The following RPTOR variants were observed in gnomAD, a reference collection of about 807,000 sequenced individuals.
The protein encoded by RPTOR is regulatory associated protein of MTOR complex 1.
In RPTOR, 21 loss-of-function variants were observed where a neutral mutation model predicts 169.9. The ratio of observed to expected loss-of-function variants is 0.12; its 90% confidence interval spans 0.09 to 0.18. The LOEUF is 0.18. RPTOR is among the 10% of genes least tolerant of loss of function. The probability of loss-of-function intolerance (pLI) is 1.00; values close to 1 mark genes in which losing one functional copy is unlikely to be tolerated. For synonymous variants in RPTOR, 732 were observed against 753.2 expected (o/e 0.97, Z 0.46); for missense variants, 1,133 against 1,855.9 (o/e 0.61, Z 7.16).
At chr17:80,611,831 T>C (rs1371496072) in intron 1 of RPTOR, among the ~76,000 whole-genome samples, 1 of 152,154 alleles carries the variant, frequency 6.6e-6, no homozygotes, top group Non-Finnish European at 1.5e-5. Flanking sequence ...GCAGAGGTTT[T>C]TCCCCCCCTG....
intron 11 of RPTOR, among the ~76,000 whole-genome samples, chr17:80,854,596 A>C (rs1693893051): frequency 6.6e-6 from 1 of 152,214 alleles, no homozygotes; most frequent in Non-Finnish European, 1.5e-5. Flanking sequence ...AATCTTCTTT[A>C]TCAGAGCAGC....
chr17:80,761,824 G>A (rs1416070285), intron 6 of RPTOR, among the ~76,000 whole-genome samples: 2 of 152,294 alleles, frequency 1.3e-5, no homozygotes, highest in African/African-American at 2.4e-5. Flanking sequence ...GCATATGTGC[G>A]AAGGGAGAGG....
chr17:80,673,592 C>T (rs1204911892), intron 3 of RPTOR, among the ~76,000 whole-genome samples: 2 of 152,258 alleles, frequency 1.3e-5, no homozygotes, highest in Admixed American at 1.3e-4. Context: ...CCTTCGCTGT[C>T]ATCCAGATTG....
intron 1 of RPTOR, among the ~76,000 whole-genome samples, chr17:80,572,572 A>C (rs1051230335): frequency 2.6e-5 from 4 of 152,114 alleles, no homozygotes; most frequent in African/African-American, 4.8e-5. Flanking sequence ...AACAAACAAA[A>C]AAAGTAGCCG....
In RPTOR at chr17:80,803,991, T is replaced by C. The variant is rs2067190772; in HGVS notation, c.890+12482T>C. On this transcript the variant is annotated intron_variant, in intron 7 of 33. Coordinates refer to ENST00000306801, the MANE Select transcript of RPTOR (RefSeq NM_020761.3). This position sits in a 1 kb window ranked among gnomAD's most constrained non-coding sequence, Gnocchi z 6.2. ...TGGGCTGTGTGGCAAGGGCCTTCTT[T>C]GAAAGAGGCATATGTAGCTTCAGTA... is the stretch of plus-strand genomic sequence containing the variant. Among the ~76,000 whole-genome samples, 1 of 152,212 alleles carries C rather than the reference T, an allele frequency of 6.6e-6. No homozygotes were observed.
At chr17:80,834,739 A>C (rs1486125775) in intron 9 of RPTOR, among the ~76,000 whole-genome samples, 1 of 152,170 alleles carries the variant, frequency 6.6e-6, no homozygotes, top group African/African-American at 2.4e-5. Context: ...ACACCAAGCG[A>C]GGGCCTTGGA....
intron 2 of RPTOR, among the ~76,000 whole-genome samples, chr17:80,636,474 C>T (rs1385157684): frequency 1.3e-5 from 2 of 152,110 alleles, no homozygotes; most frequent in Non-Finnish European, 2.9e-5. Flanking sequence ...TCTGTTGTCT[C>T]TTGAGGGCCC....
Position 80,633,547 on chromosome 17 carries a change from C to T in RPTOR, c.265+7754C>T, listed in dbSNP as rs555269163. 2.5e-3 allele frequency among the ~76,000 whole-genome samples: 388 copies of T among 152,344 alleles called. 2 individuals carry two copies. The highest frequency in any genetic ancestry group is 7.8e-3 in the African/African-American group (323 of 41,572). On this transcript the variant is annotated intron_variant, in intron 2 of 33. Transcript: ENST00000306801. This position sits in a 1 kb window ranked among gnomAD's most constrained non-coding sequence, Gnocchi z 4.1. ...TCATGCTTCGCTGGCAGGAGCATCA[C>T]GCAGAGCTGCCTGCTTCACGCGGGC...
Position 80,964,370 on chromosome 17 carries a change from T to G in RPTOR, c.*40T>G, listed in dbSNP as rs748219466. The G allele has an allele frequency of 6.3e-7, 1 of 1,591,874 alleles. No individual in the cohort carries two copies. Among genetic ancestry groups the G allele is most frequent in the Non-Finnish European group, 8.5e-7 (1 of 1,170,808 alleles). On this transcript the variant is annotated 3_prime_UTR_variant, in exon 34 of 34. Coordinates refer to ENST00000306801, the MANE Select transcript of RPTOR (RefSeq NM_020761.3). ...CCCACCAGGCCACGGCCGCCTGCTG[T>G]ACATAGTGAAGCTGTCACTCGCCGG...
intron 1 of RPTOR, among the ~76,000 whole-genome samples, chr17:80,559,359 G>A (rs889958839): frequency 1.3e-5 from 2 of 152,138 alleles, no homozygotes; most frequent in Admixed American, 6.5e-5. Context: ...CCTGACTGAT[G>A]CTGCCCTTTT....
intron 17 of RPTOR, 38 bp from the exon 18 acceptor site, chr17:80,891,682 C>A: frequency 7.4e-7 from 1 of 1,359,350 alleles, no homozygotes; most frequent in Non-Finnish European, 1.0e-6. Context: ...CATTTTCCAG[C>A]CCCAGTGACT....
intron 20 of RPTOR, among the ~76,000 whole-genome samples, chr17:80,897,943 C>T (rs1441833692): frequency 1.3e-5 from 2 of 152,180 alleles, no homozygotes; most frequent in Non-Finnish European, 2.9e-5. Flanking sequence ...AGTGTACCCT[C>T]ATTCCCTGTC....
intron 5 of RPTOR, among the ~76,000 whole-genome samples, chr17:80,750,494 G>C (rs983216255): frequency 6.6e-6 from 1 of 152,134 alleles, no homozygotes; most frequent in East Asian, 1.9e-4. Flanking sequence ...GGGAGAGTGC[G>C]TTTCCACCAA....
chr17:80,949,323 G>A, intron 27 of RPTOR, 120 bp from the exon 28 acceptor site: 1 of 838,390 alleles, frequency 1.2e-6, no homozygotes, highest in South Asian at 1.5e-5. Context: ...TAGTGAGTCA[G>A]GCTGGCCGCC....
chr17:80,687,963 C>T (rs943843706), intron 3 of RPTOR, among the ~76,000 whole-genome samples: 1 of 152,156 alleles, frequency 6.6e-6, no homozygotes, highest in African/African-American at 2.4e-5. Context: ...CTTCTTGTCC[C>T]GGTACTGCCT....
intron 33 of RPTOR, 50 bp from the exon 34 acceptor site, chr17:80,964,212 A>AC: frequency 4.5e-6 from 3 of 666,414 alleles, no homozygotes; most frequent in Non-Finnish European, 7.3e-6. Context: ...CGCCCCCCGC[A>AC]GTGTCTGCCC....
intron 17 of RPTOR, 137 bp downstream of exon 17, chr17:80,885,285 ACATGTTT>A: frequency 9.3e-7 from 1 of 1,076,828 alleles, no homozygotes; most frequent in Non-Finnish European, 1.3e-6. Flanking sequence ...GCAGATCTTT[ACATGTTT>A]CATTCTCTTC....
At chr17:80,796,245 T>C (rs980000314) in intron 7 of RPTOR, among the ~76,000 whole-genome samples, 19 of 152,156 alleles carry the variant, frequency 1.2e-4, no homozygotes, top group Non-Finnish European at 2.8e-4. Flanking sequence ...ACTCACACGG[T>C]CACAAGATCC....
At chr17:80,670,146 C>T (rs1180422163) in intron 3 of RPTOR, among the ~76,000 whole-genome samples, 6 of 152,182 alleles carry the variant, frequency 3.9e-5, no homozygotes, top group Admixed American at 6.5e-5. Flanking sequence ...GACCGGACTC[C>T]GGGTTTCTTG....
Sources: gnomAD v4.1 joint callset for allele counts (sites outside exome capture counted in the v4.1 genomes callset) on GRCh38, gnomAD v4.1.1 for gene constraint, Gnocchi (gnomAD v3.1) non-coding constraint, MANE v1.5 for transcripts, NCBI Gene and HGNC (gene_info 2026-07-23, HGNC 2026-07-21) for gene names.